Variants in COMMD1 observed in about 807,000 individuals in gnomAD.
COMMD1 encodes the protein COMM domain-containing protein 1.
In COMMD1, 10 loss-of-function variants were observed where a neutral mutation model predicts 17.2. The ratio of observed to expected loss-of-function variants is 0.58; its 90% CI spans 0.36 to 0.99. COMMD1 has a LOEUF of 0.99. Ranked by LOEUF, COMMD1 falls within the 50% of genes least tolerant of loss-of-function variation. The pLI, the probability that COMMD1 is intolerant of heterozygous loss-of-function variation, is 0.01. For synonymous variants in COMMD1, 97 were observed against 91.6 expected (o/e 1.06, Z -0.34); for missense variants, 270 against 231.8 (o/e 1.17, Z -1.07).
chr2:61,935,222 A>G (rs549205503), intron 1 of COMMD1, among the ~76,000 whole-genome samples: 27 of 152,192 alleles, frequency 1.8e-4, no homozygotes, highest in South Asian at 1.4e-3. Context: ...TACCGACAAG[A>G]TATGCAAGAC....
chr2:62,058,617 TG>T (rs1448323721), intron 2 of COMMD1, among the ~76,000 whole-genome samples: 1 of 151,982 alleles, frequency 6.6e-6, no homozygotes, highest in Non-Finnish European at 1.5e-5. Context: ...TGCACTCGTG[TG>T]GTCCCAGCTA....
chr2:61,921,302 A>G (rs1459182641), intron 1 of COMMD1, among the ~76,000 whole-genome samples: 1 of 152,142 alleles, frequency 6.6e-6, no homozygotes, highest in East Asian at 1.9e-4. Flanking sequence ...CAATCATAAT[A>G]CAATAGAAGT....
At chr2:62,036,123 G>C (rs1331182199) in intron 2 of COMMD1, among the ~76,000 whole-genome samples, 1 of 151,912 alleles carries the variant, frequency 6.6e-6, no homozygotes, top group Non-Finnish European at 1.5e-5. Context: ...AAAAGGTGTA[G>C]GGATTTTTTT....
intron 2 of COMMD1, among the ~76,000 whole-genome samples, chr2:62,060,718 T>C (rs574116521): frequency 6.6e-6 from 1 of 152,312 alleles, no homozygotes; most frequent in Non-Finnish European, 1.5e-5. Context: ...TGTTATTTCA[T>C]CTTTATTCTT....
intron 1 of COMMD1, among the ~76,000 whole-genome samples, chr2:61,998,246 CTTTTTTT>C (rs71410912): frequency 6.3e-5 from 8 of 126,482 alleles, no homozygotes; most frequent in Admixed American, 4.1e-4. Flanking sequence ...GTTGTGCTTT[CTTTTTTT>C]TTTTTTTTTT....
intron 1 of COMMD1, among the ~76,000 whole-genome samples, chr2:61,940,850 G>A (rs888367998): frequency 6.6e-6 from 1 of 150,528 alleles, no homozygotes; most frequent in Non-Finnish European, 1.5e-5. Flanking sequence ...CCATGCCCGG[G>A]TAATTTTTTT....
chr2:61,937,493 A>G (rs536267144), intron 1 of COMMD1, among the ~76,000 whole-genome samples: 1 of 152,310 alleles, frequency 6.6e-6, no homozygotes, highest in South Asian at 2.1e-4. Context: ...CTTAGAGTAA[A>G]CAAGACTTAT....
chr2:62,012,980 G>A (rs1389196971), intron 2 of COMMD1, among the ~76,000 whole-genome samples: 1 of 152,080 alleles, frequency 6.6e-6, no homozygotes. Flanking sequence ...CAGGCAGAGG[G>A]AGCAACCAAG....
At chr2:62,019,606 G>T (rs1669557376) in intron 2 of COMMD1, among the ~76,000 whole-genome samples, 1 of 152,074 alleles carries the variant, frequency 6.6e-6, no homozygotes. Flanking sequence ...ATGAATTTTG[G>T]GGGACGCATT....
At chr2:62,093,166 A>G (rs1008061607) in intron 2 of COMMD1, among the ~76,000 whole-genome samples, 1 of 152,178 alleles carries the variant, frequency 6.6e-6, no homozygotes, top group Non-Finnish European at 1.5e-5. Flanking sequence ...TTTCTACTCA[A>G]TGAGAAAACA....
intron 2 of COMMD1, among the ~76,000 whole-genome samples, chr2:62,125,584 A>T (rs1364828440): frequency 6.6e-6 from 1 of 152,162 alleles, no homozygotes. Context: ...CATTGGTAGT[A>T]ATAGTTATTG....
chr2:61,904,079 C>T (rs562588125), upstream of COMMD1, among the ~76,000 whole-genome samples: 24 of 152,210 alleles, frequency 1.6e-4, no homozygotes, highest in African/African-American at 2.9e-4. Context: ...GGCGTGATCT[C>T]GGCTCACTGC....
chr2:62,131,006 G>A (rs779668834), intron 2 of COMMD1, among the ~76,000 whole-genome samples: 7 of 152,208 alleles, frequency 4.6e-5, no homozygotes, highest in Non-Finnish European at 7.3e-5. Flanking sequence ...TACCAGGGAA[G>A]GAGTTCATTA....
intron 2 of COMMD1, among the ~76,000 whole-genome samples, chr2:62,019,920 T>C (rs994393107): frequency 1.3e-5 from 2 of 152,220 alleles, no homozygotes; most frequent in Non-Finnish European, 2.9e-5. Context: ...TGTGAACATA[T>C]TCTAAATCTC....
intron 2 of COMMD1, among the ~76,000 whole-genome samples, chr2:62,110,096 G>A (rs1323367936): frequency 6.6e-6 from 1 of 151,612 alleles, no homozygotes; most frequent in African/African-American, 2.4e-5. Context: ...TCTGGCGGGG[G>A]TGGGAGACAG....
rs200340833 is a variant in COMMD1 at position 61,919,543 on chromosome 2, GTT to G, written c.180+13699_180+13700del. 5.2e-3 allele frequency among the ~76,000 whole-genome samples: 636 copies of G among 122,470 alleles called. 7 individuals are homozygous for G. The highest frequency in any genetic ancestry group is 0.017 in the African/African-American group (567 of 33,444). The allele number at this position is 122,470 out of a possible 152,430, so 80.3% of individuals were successfully genotyped here. A position where few individuals can be genotyped will look rare whatever the true frequency, so the allele number is the denominator to read the frequency against. On this transcript the variant is annotated intron_variant, in intron 1 of 2. Transcript: ENST00000311832. ...TGCCATGTCGATCAGGCTTCATCGC[GTT>G]TTTTTTTTTTTTTCATTGAGTAGAG...
intron 2 of COMMD1, chr2:62,055,348 C>T: frequency 2.3e-6 from 1 of 443,362 alleles, no homozygotes; most frequent in Non-Finnish European, 4.5e-6. Flanking sequence ...GGGGAAAGAC[C>T]CAATGATGAG....
rs1672984570 is a variant in COMMD1, at chr2:62,130,082, G to GAA, written c.463-5749_463-5748insAA. Among the ~76,000 whole-genome samples the GAA allele has an allele frequency of 2.6e-5, 4 of 151,748 alleles. No homozygotes were observed. The South Asian group carries it at 8.3e-4, about 32-fold the overall frequency. ...CCCAGCTATTCAGGAGGCTGAGGCA[G>GAA]GAGAACGGCGTGAACCCGGGAGGCG... is the stretch of plus-strand genomic sequence containing the variant. On this transcript the variant is annotated intron_variant, in intron 2 of 2. Coordinates refer to ENST00000311832, the MANE Select transcript of COMMD1 (RefSeq NM_152516.4).
intron 1 of COMMD1, among the ~76,000 whole-genome samples, chr2:61,941,758 T>C (rs1670754115): frequency 6.6e-6 from 1 of 152,166 alleles, no homozygotes; most frequent in African/African-American, 2.4e-5. Context: ...GCTCTTTCAT[T>C]CTGTAGCATT....
Sources: gnomAD v4.1 joint callset for allele counts (sites outside exome capture counted in the v4.1 genomes callset) on GRCh38, gnomAD v4.1.1 for gene constraint, MANE v1.5 for transcripts, NCBI Gene and HGNC (gene_info 2026-07-23, HGNC 2026-07-21) for gene names.